The following CNTN6 variants were observed in gnomAD, a reference collection of about 807,000 sequenced individuals.
CNTN6 encodes contactin-6.
Under a neutral mutation model 122.8 loss-of-function variants are expected in CNTN6, and 137 were observed. That is an observed-to-expected ratio of 1.12 (90% confidence interval 0.97 to 1.29). The LOEUF is 1.29. CNTN6 is among the 50% of genes most tolerant of loss of function. CNTN6 has a pLI of 0.00. For synonymous variants in CNTN6, 570 were observed against 426.0 expected (o/e 1.34, Z -4.16); for missense variants, 1,634 against 1,223.4 (o/e 1.34, Z -5.01).
intron 2 of CNTN6, among the ~76,000 whole-genome samples, chr3:1,219,796 G>A (rs1394174): frequency 0.11 from 16,444 of 151,978 alleles, 1,652 homozygotes; most frequent in East Asian, 0.46. Flanking sequence ...TGAATGGAAT[G>A]CTTGAGCCCA....
At chr3:1,365,326 A>G (rs1479780412) in intron 12 of CNTN6, among the ~76,000 whole-genome samples, 1 of 152,094 alleles carries the variant, frequency 6.6e-6, no homozygotes, top group Non-Finnish European at 1.5e-5. Flanking sequence ...TTAATATAAC[A>G]TAAAACCAGT....
chr3:1,177,122 G>A (rs2093465628), intron 2 of CNTN6, among the ~76,000 whole-genome samples: 1 of 152,106 alleles, frequency 6.6e-6, no homozygotes, highest in Admixed American at 6.5e-5. Flanking sequence ...CCATGGCCTG[G>A]GATCTTCAAG....
intron 20 of CNTN6, among the ~76,000 whole-genome samples, chr3:1,395,665 T>A (rs1694897403): frequency 6.6e-6 from 1 of 152,132 alleles, no homozygotes; most frequent in Non-Finnish European, 1.5e-5. Context: ...CTTAATCACA[T>A]TTGCAAACTC....
chr3:1,100,662 T>C (rs1039994844), intron 1 of CNTN6, among the ~76,000 whole-genome samples: 11 of 152,178 alleles, frequency 7.2e-5, no homozygotes, highest in African/African-American at 2.7e-4. Context: ...TTTCTTTGCA[T>C]TTCTTTCATT....
chr3:1,185,871 G>A (rs979631160), intron 2 of CNTN6, among the ~76,000 whole-genome samples: 6 of 152,122 alleles, frequency 3.9e-5, no homozygotes, highest in Admixed American at 6.5e-5. Flanking sequence ...TAAACACTAT[G>A]TAATTTAAAA....
intron 2 of CNTN6, among the ~76,000 whole-genome samples, chr3:1,212,253 T>TTG (rs71056323): frequency 1.8e-5 from 1 of 55,826 alleles, no homozygotes; most frequent in South Asian, 5.8e-4. Flanking sequence ...ATAAAACTTG[T>TTG]TTTTTTTTTT....
rs1306862266 is a variant in CNTN6 at position 1,373,769 on chromosome 3, G to A, written c.1945+7G>A. ...TGGCAGGCTGTTGCTACAGGTGAGT[G>A]ACAAAAGTGTTTTGGGTCACTTTAA... On this transcript the variant is annotated splice_region_variant and intron_variant, in intron 15 of 22. Transcript: ENST00000446702. The A allele has an allele frequency of 3.2e-6, 5 of 1,585,046 alleles. No individual in the cohort carries two copies. The highest frequency in any genetic ancestry group is 1.8e-5 in the Admixed American group (1 of 55,628).
At chr3:1,320,819 T>C (rs1333044301) in intron 7 of CNTN6, among the ~76,000 whole-genome samples, 1 of 151,754 alleles carries the variant, frequency 6.6e-6, no homozygotes, top group Non-Finnish European at 1.5e-5. Flanking sequence ...ATTCATCCCT[T>C]ATTGTTAAAC....
chr3:1,098,785 CACACATAT>C (rs1281761311), intron 1 of CNTN6, among the ~76,000 whole-genome samples: 1 of 49,576 alleles, frequency 2.0e-5, no homozygotes, highest in Non-Finnish European at 3.1e-5. Flanking sequence ...CACACACACA[CACACATAT>C]ATATATATAT....
intron 1 of CNTN6, among the ~76,000 whole-genome samples, chr3:1,108,158 G>A (rs2091313842): frequency 6.6e-6 from 1 of 151,922 alleles, no homozygotes; most frequent in Non-Finnish European, 1.5e-5. Context: ...TTAACCTTGG[G>A]TAGTAGAATA....
chr3:1,341,449 C>T (rs566672725), intron 11 of CNTN6, among the ~76,000 whole-genome samples: 4 of 152,236 alleles, frequency 2.6e-5, no homozygotes, highest in South Asian at 4.1e-4. Flanking sequence ...TTTAGTTAGG[C>T]TTTCCATCTG....
chr3:1,146,597 G>T (rs369307318), intron 1 of CNTN6, among the ~76,000 whole-genome samples: 1 of 151,878 alleles, frequency 6.6e-6, no homozygotes, highest in Non-Finnish European at 1.5e-5. Flanking sequence ...TCCTGTGTGC[G>T]TAAGGTTTTT....
At chr3:1,120,677 G>A (rs891003934) in intron 1 of CNTN6, among the ~76,000 whole-genome samples, 1 of 151,688 alleles carries the variant, frequency 6.6e-6, no homozygotes, top group Non-Finnish European at 1.5e-5. Context: ...GGTCATTTTT[G>A]AGTCCTAAGA....
At chr3:1,135,195 C>T (rs2092440485) in intron 1 of CNTN6, among the ~76,000 whole-genome samples, 1 of 125,996 alleles carries the variant, frequency 7.9e-6, no homozygotes, top group African/African-American at 2.7e-5. Flanking sequence ...CATTTTCTCA[C>T]TCTTTTTTAT....
chr3:1,387,680 A>G (rs1693253483), intron 20 of CNTN6, among the ~76,000 whole-genome samples: 1 of 152,170 alleles, frequency 6.6e-6, no homozygotes, highest in South Asian at 2.1e-4. Context: ...GGTGCCAGAC[A>G]GTGGGCGCAG....
chr3:1,247,515 A>G (rs1409351560), intron 4 of CNTN6, among the ~76,000 whole-genome samples: 2 of 152,218 alleles, frequency 1.3e-5, no homozygotes, highest in Admixed American at 6.5e-5. Flanking sequence ...AAAGAGAACC[A>G]GAGGAGAATA....
At chr3:1,229,112 A>G (rs1038218757) in intron 4 of CNTN6, among the ~76,000 whole-genome samples, 2 of 152,218 alleles carry the variant, frequency 1.3e-5, no homozygotes, top group Admixed American at 1.3e-4. Flanking sequence ...ATTTGTATCT[A>G]TGGAAGTAAG....
chr3:1,384,810 C>CATAT (rs1337407489), intron 19 of CNTN6, among the ~76,000 whole-genome samples: 1 of 136,242 alleles, frequency 7.3e-6, no homozygotes, highest in Admixed American at 7.7e-5. Context: ...CACACACACA[C>CATAT]ACATATATAT....
intron 2 of CNTN6, 48 bp from the exon 3 acceptor site, chr3:1,220,639 A>T (rs767147556): frequency 9.7e-6 from 15 of 1,550,186 alleles, no homozygotes; most frequent in Middle Eastern, 1.8e-4. Context: ...CTTGCATTCA[A>T]AACAGGGCCA....
Sources: allele counts gnomAD v4.1 joint callset (sites outside exome capture counted in the v4.1 genomes callset), GRCh38; gene constraint gnomAD v4.1.1; transcripts MANE v1.5; gene names NCBI Gene and HGNC (gene_info 2026-07-23, HGNC 2026-07-21).